Variants in PTPRN2 observed in about 807,000 individuals in gnomAD.
PTPRN2 encodes the protein protein tyrosine phosphatase receptor type N2.
Under a neutral mutation model 118.8 loss-of-function variants are expected in PTPRN2, and 74 were observed. The observed-to-expected ratio is 0.62, with a 90% CI of 0.52 to 0.76. The LOEUF (loss-of-function observed/expected upper bound fraction) is 0.76. Ranked by LOEUF, PTPRN2 falls within the 30% of genes least tolerant of loss-of-function variation. PTPRN2 has a pLI of 0.00. For synonymous variants in PTPRN2, 641 were observed against 608.0 expected, an observed-to-expected ratio of 1.05 and a Z score of -0.80; for missense variants, 1,481 against 1,394.4, an observed-to-expected ratio of 1.06 and a Z score of -0.99.
chr7:158,294,999 CTG>C (rs1800379843), intron 3 of PTPRN2, among the ~76,000 whole-genome samples: 1 of 142,188 alleles, frequency 7.0e-6, no homozygotes, highest in East Asian at 2.1e-4. Context: ...TGCCCAGACA[CTG>C]CACCACCTTC....
chr7:158,119,555 C>T (rs1256280741), intron 9 of PTPRN2, among the ~76,000 whole-genome samples: 1 of 151,774 alleles, frequency 6.6e-6, no homozygotes, highest in Non-Finnish European at 1.5e-5. Flanking sequence ...CCATTAGCTG[C>T]AGTTTGTTTT....
chr7:157,550,709 C>T lies in PTPRN2; in HGVS notation c.2903-1690G>A, dbSNP rs917788537. Among the ~76,000 whole-genome samples, 25 of 152,224 alleles carry T rather than the reference C, an allele frequency of 1.6e-4. No individual in the cohort carries two copies. Among genetic ancestry groups the T allele is most frequent in the African/African-American group, 6.0e-4 (25 of 41,460 alleles). ...GCAGGGAACACCATGAGGGCCACCA[C>T]CTTTTAAGCCAGAGCCTCTGCAGGC... is the stretch of plus-strand genomic sequence containing the variant. On this transcript the variant is annotated intron_variant, in intron 21 of 22. Coordinates refer to ENST00000389418, the MANE Select transcript of PTPRN2 (RefSeq NM_002847.5). The surrounding 1 kb of genome is among the most constrained non-coding windows in gnomAD (Gnocchi z 5.2).
At chr7:158,396,450 T>C (rs1412763445) in intron 2 of PTPRN2, among the ~76,000 whole-genome samples, 2 of 149,934 alleles carry the variant, frequency 1.3e-5, no homozygotes, top group African/African-American at 4.9e-5. Flanking sequence ...GTGTCACGTG[T>C]GTGCACGCGT....
chr7:158,382,389 T>A (rs929686040), intron 2 of PTPRN2, among the ~76,000 whole-genome samples: 19 of 152,132 alleles, frequency 1.2e-4, no homozygotes, highest in Non-Finnish European at 2.4e-4. Flanking sequence ...ATTTGCAAAG[T>A]ATCCCATGAA....
At chr7:157,724,027 C>T (rs2150921204) in intron 12 of PTPRN2, among the ~76,000 whole-genome samples, 1 of 152,302 alleles carries the variant, frequency 6.6e-6, no homozygotes, top group East Asian at 1.9e-4. Flanking sequence ...GGAATTTAGG[C>T]TTCCCCCGTC....
intron 11 of PTPRN2, among the ~76,000 whole-genome samples, chr7:157,993,813 C>T (rs752611103): frequency 3.7e-4 from 57 of 152,232 alleles, no homozygotes; most frequent in East Asian, 1.7e-3. Context: ...CTCTGGAGAG[C>T]GTCGATTGAG....
intron 11 of PTPRN2, among the ~76,000 whole-genome samples, chr7:158,016,333 G>T (rs1806454479): frequency 6.6e-6 from 1 of 152,158 alleles, no homozygotes; most frequent in Admixed American, 6.5e-5. Flanking sequence ...GCCCCGCCGG[G>T]CCCACAGCAC....
chr7:157,719,274 G>A (rs1363491899), intron 12 of PTPRN2, among the ~76,000 whole-genome samples: 1 of 152,224 alleles, frequency 6.6e-6, no homozygotes, highest in Non-Finnish European at 1.5e-5. Flanking sequence ...TGAAGGTTGT[G>A]CCTGACTCAC....
At position 157,622,878 on chromosome 7, in the gene PTPRN2, G is replaced by T. The variant is rs73515078; in HGVS notation, c.2197-1369C>A. Among the ~76,000 whole-genome samples the T allele has an allele frequency of 2.0e-5, 3 of 152,148 alleles. No homozygotes were observed. Among genetic ancestry groups the T allele is most frequent in the African/African-American group, 7.2e-5 (3 of 41,412 alleles). ...AAGCCGCACCGACTGCCTGCTCCAC[G>T]CAGCGAACGCTTTTCCCCCACCACA... On this transcript the variant is annotated intron_variant, in intron 14 of 22. Coordinates refer to ENST00000389418, the MANE Select transcript of PTPRN2 (RefSeq NM_002847.5). The surrounding 1 kb of genome is among the most constrained non-coding windows in gnomAD (Gnocchi z 5.3).
rs559875261 is a variant in PTPRN2 at position 158,448,882 on chromosome 7, G to T, written c.163+40853C>A. 1.2e-3 allele frequency among the ~76,000 whole-genome samples: 177 copies of T among 152,352 alleles called. 2 individuals carry two copies. Among genetic ancestry groups the T allele is most frequent in the African/African-American group, 4.1e-3 (170 of 41,592 alleles). On this transcript the variant is annotated intron_variant, in intron 2 of 22. Transcript: ENST00000389418. ...CGTTGGGTGGTTAGGAGACCAGTGG[G>T]ATGCCACATATCTGTGGGGATGAGG...
intron 13 of PTPRN2, among the ~76,000 whole-genome samples, chr7:157,662,421 G>A (rs1477268976): frequency 6.6e-6 from 1 of 152,176 alleles, no homozygotes; most frequent in Non-Finnish European, 1.5e-5. Flanking sequence ...CCTGACCCCC[G>A]AGCACTCCCA....
At chr7:157,688,199 T>G (rs1797288319) in intron 12 of PTPRN2, among the ~76,000 whole-genome samples, 1 of 152,240 alleles carries the variant, frequency 6.6e-6, no homozygotes, top group Non-Finnish European at 1.5e-5. Context: ...ATGGGCTATT[T>G]GTTGAGTTTT....
chr7:157,796,529 A>C (rs1321166718), intron 12 of PTPRN2, among the ~76,000 whole-genome samples: 1 of 152,218 alleles, frequency 6.6e-6, no homozygotes, highest in Non-Finnish European at 1.5e-5. Context: ...GAAACGTTAA[A>C]AATCTGGTTG....
At chr7:157,556,314 C>T (rs1222235367) in intron 21 of PTPRN2, among the ~76,000 whole-genome samples, 2 of 134,232 alleles carry the variant, frequency 1.5e-5, no homozygotes, top group Non-Finnish European at 3.2e-5. Context: ...ACCCAAACAA[C>T]ACACACACCC....
Position 158,192,425 on chromosome 7 carries a change from G to C in PTPRN2, c.451C>G (p.Leu151Val), listed in dbSNP as rs771172450. The change falls in exon 5 of 23, where the codon CTC (leucine) becomes GTC (valine). Residue 151 changes from leucine to valine, a missense_variant. This residue lies in a region of PTPRN2 where 1,115 missense variants were observed against 994.2 expected (regional missense o/e 1.12). Transcript: ENST00000389418. ...TCCAGGAAGGGCAGGTGGCGTCGGA[G>C]GGCGTTGGCCAGGGCAGCACCGCCC... ...REGGAALANALRRHLPFLEAL... is the reference protein window; with the variant it reads ...REGGAALANAVRRHLPFLEAL... 34 of 1,545,920 alleles carry C rather than the reference G, an allele frequency of 2.2e-5. No homozygotes were observed. The highest frequency in any genetic ancestry group is 2.9e-5 in the Non-Finnish European group (34 of 1,156,210).
chr7:158,144,988 C>A (rs1426321623), intron 6 of PTPRN2, among the ~76,000 whole-genome samples: 1 of 145,250 alleles, frequency 6.9e-6, no homozygotes, highest in Non-Finnish European at 1.5e-5. Context: ...TCCAGAATAC[C>A]ACGGCTCGGC....
chr7:158,116,685 C>A (rs1399655747), intron 9 of PTPRN2, among the ~76,000 whole-genome samples: 1 of 152,242 alleles, frequency 6.6e-6, no homozygotes. Context: ...TGCTCCTCCC[C>A]CTCTGGCCAA....
chr7:157,813,723 G>A lies in PTPRN2; in HGVS notation c.1788+84950C>T, dbSNP rs1371192787. On this transcript the variant is annotated intron_variant, in intron 12 of 22. Coordinates refer to ENST00000389418, the MANE Select transcript of PTPRN2 (RefSeq NM_002847.5). This position sits in a 1 kb window ranked among gnomAD's most constrained non-coding sequence, Gnocchi z 4.7. ...TTGCTTTTTAATTAGCAGCTGCCCC[G>A]AGTGCTCCAGCTGCCCTGCGTGTGG... Among the ~76,000 whole-genome samples the A allele has an allele frequency of 6.6e-6, 1 of 152,182 alleles. No individual in the cohort carries two copies.
At chr7:157,715,519 G>A (rs979966238) in intron 12 of PTPRN2, among the ~76,000 whole-genome samples, 8 of 152,204 alleles carry the variant, frequency 5.3e-5, no homozygotes, top group African/African-American at 1.9e-4. Flanking sequence ...AAGTGCTGTT[G>A]ACTGCTGGCT....
Sources: allele counts gnomAD v4.1 joint callset (sites outside exome capture counted in the v4.1 genomes callset), GRCh38; gene constraint gnomAD v4.1.1; regional missense constraint gnomAD v4.1.1; non-coding constraint Gnocchi (gnomAD v3.1); transcripts MANE v1.5; gene names NCBI Gene and HGNC (gene_info 2026-07-23, HGNC 2026-07-21).